OPRM1: variants seen among roughly 807,000 people sequenced by gnomAD.
OPRM1 encodes opioid receptor mu 1.
Under a neutral mutation model 31.8 loss-of-function variants are expected in OPRM1, and 27 were observed. That is an observed-to-expected ratio of 0.85 (90% CI 0.63 to 1.17). The LOEUF is 1.17. OPRM1 is among the 50% of genes most tolerant of loss of function. OPRM1 has a pLI of 0.00. For synonymous variants in OPRM1, 196 were observed against 189.9 expected, an observed-to-expected ratio of 1.03 and a Z score of -0.26; for missense variants, 536 against 511.1, an observed-to-expected ratio of 1.05 and a Z score of -0.47.
chr6:154,174,673 A>C (rs1800157928), intron 3 of OPRM1, among the ~76,000 whole-genome samples: 1 of 152,236 alleles, frequency 6.6e-6, no homozygotes, highest in African/African-American at 2.4e-5. Flanking sequence ...TTCATAAAGC[A>C]AGTCCTTAGA....
At chr6:154,093,341 G>A (rs1284348141) in intron 3 of OPRM1, 1 of 1,613,944 alleles carries the variant, frequency 6.2e-7, no homozygotes, top group African/African-American at 1.3e-5. Context: ...CTGGACCACT[G>A]CAAGGACCTC....
chr6:154,084,647 A>G (rs1036679326), intron 1 of OPRM1, among the ~76,000 whole-genome samples: 1 of 152,162 alleles, frequency 6.6e-6, no homozygotes, highest in Non-Finnish European at 1.5e-5. Flanking sequence ...TCGACTAAAA[A>G]GGTTAATTTC....
intron 3 of OPRM1, among the ~76,000 whole-genome samples, chr6:154,164,013 C>T (rs1043179393): frequency 1.3e-5 from 2 of 152,248 alleles, no homozygotes; most frequent in East Asian, 3.9e-4. Flanking sequence ...TCTATGCTTC[C>T]AAAACAACTT....
intron 3 of OPRM1, chr6:154,158,049 CTTGT>C (rs1472396651): frequency 5.3e-5 from 8 of 152,162 alleles, no homozygotes; most frequent in Admixed American, 5.2e-4. Flanking sequence ...CAACTTGCTT[CTTGT>C]TTTTTGTTTT....
chr6:154,022,502 G>C (rs979465590), intron 1 of OPRM1, among the ~76,000 whole-genome samples: 1 of 126,378 alleles, frequency 7.9e-6, no homozygotes, highest in Non-Finnish European at 1.6e-5. Context: ...CATTCTATAG[G>C]TTGTCTCTTC....
rs1300772050 is a variant in OPRM1, at chr6:154,120,404, A to G, written c.*1683A>G. On this transcript the variant is annotated 3_prime_UTR_variant, in exon 4 of 4. Coordinates refer to ENST00000330432, the MANE Select transcript of OPRM1 (RefSeq NM_000914.5). Reference sequence around the variant, plus strand: ...AAACAAAAGCCAAAATAAGTTTTTTAGTGTTTCCTTCTGATGAAGTTTCAT... The same window carrying G: ...AAACAAAAGCCAAAATAAGTTTTTTGGTGTTTCCTTCTGATGAAGTTTCAT... Among the ~76,000 whole-genome samples the G allele has an allele frequency of 6.6e-6, 1 of 152,170 alleles. No homozygotes were observed. The highest frequency in any genetic ancestry group is 1.5e-5 in the Non-Finnish European group (1 of 67,996).
chr6:154,065,124 C>T (rs1282933166), intron 1 of OPRM1, among the ~76,000 whole-genome samples: 1 of 151,106 alleles, frequency 6.6e-6, no homozygotes, highest in Non-Finnish European at 1.5e-5. Flanking sequence ...CATGGGATGC[C>T]TTTCCATTTA....
chr6:154,156,062 A>G (rs1798702293), intron 3 of OPRM1: 1 of 152,216 alleles, frequency 6.6e-6, no homozygotes, highest in Admixed American at 6.5e-5. Flanking sequence ...AAACAAAATA[A>G]ACACTCTCCA....
chr6:154,175,162 C>T (rs796870511), intron 3 of OPRM1, among the ~76,000 whole-genome samples: 24 of 152,268 alleles, frequency 1.6e-4, no homozygotes, highest in African/African-American at 5.5e-4. Context: ...CTCTGGGACA[C>T]ATTTAAAGCA....
upstream of OPRM1, among the ~76,000 whole-genome samples, chr6:154,038,474 T>C (rs534843003): frequency 2.0e-5 from 3 of 152,354 alleles, no homozygotes; most frequent in African/African-American, 7.2e-5. Context: ...ATTCCATATA[T>C]TATGTGGCTT....
downstream of OPRM1, among the ~76,000 whole-genome samples, chr6:154,134,012 G>T (rs114387886): frequency 0.012 from 1,766 of 152,302 alleles, 33 homozygotes; most frequent in African/African-American, 0.041. Flanking sequence ...TTTAAGTTTG[G>T]CTGAAGACTC....
At chr6:154,084,410 AACAG>A (rs1041299360) in intron 1 of OPRM1, among the ~76,000 whole-genome samples, 14 of 151,200 alleles carry the variant, frequency 9.3e-5, no homozygotes, top group Non-Finnish European at 1.5e-4. Flanking sequence ...CTCCCCCCCC[AACAG>A]ACAGACAGAC....
chr6:154,160,046 T>G, intron 3 of OPRM1: 1 of 1,601,456 alleles, frequency 6.2e-7, no homozygotes, highest in African/African-American at 1.3e-5. Flanking sequence ...TTACACTGTG[T>G]GAGTAGAAAA....
chr6:154,102,168 G>C lies in OPRM1; in HGVS notation c.1164+10696G>C, dbSNP rs1794934115. Among the ~76,000 whole-genome samples the C allele has an allele frequency of 2.0e-5, 3 of 152,000 alleles. No homozygotes were observed. The South Asian group carries it at 6.2e-4, about 32-fold the overall frequency. On this transcript the variant is annotated intron_variant, in intron 3 of 3. Coordinates refer to ENST00000330432, the MANE Select transcript of OPRM1 (RefSeq NM_000914.5). ...TTGCGAGCCTGGTCTTAAACTCCTGGGCTGAAGTGATCCACCTGCCTTGCC... is the reference window on the plus strand; with the variant it reads ...TTGCGAGCCTGGTCTTAAACTCCTGCGCTGAAGTGATCCACCTGCCTTGCC...
chr6:154,109,727 A>G (rs1583587788), intron 3 of OPRM1, among the ~76,000 whole-genome samples: 2 of 151,928 alleles, frequency 1.3e-5, no homozygotes. Context: ...GATAATATGT[A>G]TAAGCATTTA....
intron 3 of OPRM1, among the ~76,000 whole-genome samples, chr6:154,147,065 G>T (rs1407509150): frequency 6.6e-6 from 1 of 152,216 alleles, no homozygotes; most frequent in South Asian, 2.1e-4. Context: ...GTCACTGGCT[G>T]CTGAGGGAGA....
chr6:154,110,274 C>T, intron 3 of OPRM1: 1 of 706,914 alleles, frequency 1.4e-6, no homozygotes, highest in South Asian at 1.8e-5. Flanking sequence ...GGGTATAAAT[C>T]ATTGAATTAA....
chr6:154,012,141 G>A (rs544230164), intron 1 of OPRM1, among the ~76,000 whole-genome samples: 1 of 152,150 alleles, frequency 6.6e-6, no homozygotes, highest in Non-Finnish European at 1.5e-5. Context: ...ATAACTATGG[G>A]CTAAATAATA....
chr6:154,225,955 C>G (rs775081252), intron 3 of OPRM1, among the ~76,000 whole-genome samples: 10 of 152,180 alleles, frequency 6.6e-5, no homozygotes, highest in Non-Finnish European at 1.0e-4. Flanking sequence ...TAATTGAACT[C>G]TAAGTGACGC....
Sources: allele counts gnomAD v4.1 joint callset (sites outside exome capture counted in the v4.1 genomes callset), GRCh38; gene constraint gnomAD v4.1.1; transcripts MANE v1.5; gene names NCBI Gene and HGNC (gene_info 2026-07-23, HGNC 2026-07-21).